SLC22A6: variants seen among roughly 807,000 people sequenced by gnomAD.
SLC22A6 encodes the protein solute carrier family 22 member 6.
In SLC22A6, 45 loss-of-function variants were observed where a neutral mutation model predicts 56.7. The ratio of observed to expected loss-of-function variants is 0.79; its 90% CI spans 0.63 to 1.02. The LOEUF is 1.02. Among genes scored for constraint, SLC22A6 ranks in the 50% least tolerant of loss-of-function variants. SLC22A6 has a pLI of 0.00. For missense variants in SLC22A6, 606 were observed against 713.8 expected (o/e 0.85, Z 1.72); for synonymous variants, 291 against 295.9 (o/e 0.98, Z 0.17).
chr11:62,982,592 C>T (rs1328166557), intron 3 of SLC22A6, among the ~76,000 whole-genome samples: 1 of 152,220 alleles, frequency 6.6e-6, no homozygotes, highest in African/African-American at 2.4e-5. Flanking sequence ...CGGTTAATTC[C>T]TCTAGTCCAG....
At chr11:62,981,162 C>G in intron 5 of SLC22A6, 62 bp from the exon 6 acceptor site, 38 of 1,603,918 alleles carry the variant, frequency 2.4e-5, no homozygotes, top group Non-Finnish European at 3.2e-5. Context: ...CCAGCCTAAT[C>G]CCTTACTTAG....
intron 4 of SLC22A6, 57 bp from the exon 5 acceptor site, chr11:62,981,440 G>A: frequency 1.4e-5 from 13 of 906,774 alleles, no homozygotes; most frequent in East Asian, 2.9e-5. Context: ...TCAGCTGGGT[G>A]GGGGGCTGGG....
rs538704968 is a variant in SLC22A6, at chr11:62,983,344, C to T, written c.628+193G>A. The stretch of plus-strand genomic sequence containing the variant: ...CAGGTGTGAGCCACTGCGCCTGGCC[C>T]GCAATCCTGTTTTTAAATGAGGGGT... On this transcript the variant is annotated intron_variant, in intron 3 of 9. Transcript: ENST00000360421. This position sits in a 1 kb window ranked among gnomAD's most constrained non-coding sequence, Gnocchi z 4.5. 5.3e-5 allele frequency among the ~76,000 whole-genome samples: 8 copies of T among 152,242 alleles called. No individual in the cohort carries two copies. Among genetic ancestry groups the T allele is most frequent in the East Asian group, 3.9e-4 (2 of 5,184 alleles).
At position 62,981,975 on chromosome 11, in the gene SLC22A6, C is replaced by T. The variant is rs1416600616; in HGVS notation, c.664G>A (p.Val222Met). The change falls in exon 4 of 10, where the codon GTG (valine) becomes ATG (methionine). Residue 222 changes from valine (V) to methionine (M), a missense_variant. By Grantham distance (21) the Val-to-Met change is conservative. Coordinates refer to ENST00000360421, the MANE Select transcript of SLC22A6 (RefSeq NM_153276.3). ...EWMPIHTRACVGTLIGYVYSL... is the reference protein window; with the variant it reads ...EWMPIHTRACMGTLIGYVYSL... ...TAGACATAGCCAATCAAGGTGCCCA[C>T]GCAGGCCCGTGTGTGAATGGGCATC... 1.1e-5 allele frequency: 17 copies of T among 1,614,002 alleles called. No homozygotes were observed. The Admixed American group carries it at 1.2e-4, about 11-fold the overall frequency.
chr11:62,980,867 G>A, intron 6 of SLC22A6, 118 bp downstream of exon 6: 1 of 781,860 alleles, frequency 1.3e-6, no homozygotes, highest in Non-Finnish European at 2.0e-6. Context: ...TGGGGTTACT[G>A]CTTCTCACAG....
intron 3 of SLC22A6, among the ~76,000 whole-genome samples, chr11:62,982,723 A>G (rs1350780013): frequency 6.6e-6 from 1 of 152,204 alleles, no homozygotes; most frequent in African/African-American, 2.4e-5. Flanking sequence ...GGGTTGATCC[A>G]TCAGAGGATG....
intron 1 of SLC22A6, 77 bp downstream of exon 1, chr11:62,984,245 T>G: frequency 1.6e-5 from 24 of 1,462,406 alleles, no homozygotes; most frequent in Non-Finnish European, 2.0e-5. Context: ...AATTTCTCCA[T>G]GTACTTTTTT....
chr11:62,978,205 G>A (rs1389261785), intron 8 of SLC22A6, among the ~76,000 whole-genome samples: 1 of 152,148 alleles, frequency 6.6e-6, no homozygotes, highest in Non-Finnish European at 1.5e-5. Context: ...ACAGGACCAT[G>A]ACCCTCAGGG....
Position 62,976,853 on chromosome 11 carries a change from C to T in SLC22A6, c.1594G>A (p.Glu532Lys). 6.2e-7 allele frequency: 1 copy of T among 1,614,110 alleles called. No homozygotes were observed. Among genetic ancestry groups the T allele is most frequent in the Non-Finnish European group, 8.5e-7 (1 of 1,180,006 alleles). Residue 532 changes from glutamate to lysine, a missense_variant, in exon 10 of 10, where the codon GAG (glutamate) becomes AAG (lysine). By Grantham distance (56) the Glu-to-Lys change is moderately conservative (BLOSUM62 1). Transcript: ENST00000360421. Reference sequence around the variant, plus strand: ...AGTGGGACCATATACTTCTGGTGCTCTTGTTGCTGTCGCGTCTGTTTCCCT... The same window carrying T: ...AGTGGGACCATATACTTCTGGTGCTTTTGTTGCTGTCGCGTCTGTTTCCCT... ...RKGKQTRQQQEHQKYMVPLQA... is the reference protein window; with the variant it reads ...RKGKQTRQQQKHQKYMVPLQA...
Position 62,983,553 on chromosome 11 carries a change from G to T in SLC22A6, c.612C>A (p.Leu204=). The T allele has an allele frequency of 1.3e-6, 2 of 1,563,968 alleles. No homozygotes were observed. Among genetic ancestry groups the T allele is most frequent in the East Asian group, 2.4e-5 (1 of 42,136 alleles). ...LSGMALAGIS[L]NCMTLNVEWM... is the part of the protein sequence containing the mutation. ...ATCTCTCACTCAGTGTCATGCAGTT[G>T]AGGGAGATGCCAGCCAGAGCCATGC... Residue 204 remains leucine (L), a synonymous_variant, in exon 3 of 10, where the codon CTC becomes CTA. Transcript: ENST00000360421. This position sits in a 1 kb window ranked among gnomAD's most constrained non-coding sequence, Gnocchi z 4.5.
chr11:62,976,905 A>G (rs928296382), intron 9 of SLC22A6, 24 bp from the exon 10 acceptor site: 2 of 1,611,856 alleles, frequency 1.2e-6, no homozygotes, highest in Non-Finnish European at 1.7e-6. Flanking sequence ...GAAGAATGGC[A>G]CTCTGGGTAT....
chr11:62,978,716 C>CAAGT (rs1332078347), intron 8 of SLC22A6, among the ~76,000 whole-genome samples: 1 of 151,652 alleles, frequency 6.6e-6, no homozygotes, highest in Admixed American at 6.6e-5. Context: ...CTCAGCCTCC[C>CAAGT]AAGTAGCTGG....
Position 62,979,966 on chromosome 11 carries a change from G to A in SLC22A6, c.1038-18C>T, listed in dbSNP as rs1330002616. 1 of 1,590,054 alleles carries A rather than the reference G, an allele frequency of 6.3e-7. No homozygotes were observed. The highest frequency in any genetic ancestry group is 8.6e-7 in the Non-Finnish European group (1 of 1,158,222). On this transcript the variant is annotated intron_variant, in intron 6 of 9. Coordinates refer to ENST00000360421, the MANE Select transcript of SLC22A6 (RefSeq NM_153276.3). ...TGGCAAACCTAGCAGAGAGAAGAGA[G>A]GAGTATGGAGTTTGTTAGGAAGGCT... is the stretch of plus-strand genomic sequence containing the variant.
chr11:62,981,334 G>C lies in SLC22A6; in HGVS notation c.847C>G (p.Leu283Val). The C allele has an allele frequency of 6.2e-7, 1 of 1,601,020 alleles. No individual in the cohort carries two copies. Among genetic ancestry groups the C allele is most frequent in the South Asian group, 1.1e-5 (1 of 88,666 alleles). The stretch of plus-strand genomic sequence containing the variant: ...ACTCTCTGCAGGGCCCTCAGGGTGA[G>C]GTCCAGCCTCCCGGAGGAGGAGTGC... ...RWHSSSGRLD[L>V]TLRALQRVAR... Residue 283 changes from leucine to valine, a missense_variant, in exon 5 of 10, where the codon CTC becomes GTC. Coordinates refer to ENST00000360421, the MANE Select transcript of SLC22A6 (RefSeq NM_153276.3).
chr11:62,982,033 A>G, intron 3 of SLC22A6, 23 bp from the exon 4 acceptor site: 2 of 1,606,504 alleles, frequency 1.2e-6, no homozygotes, highest in Non-Finnish European at 1.7e-6. Context: ...TTAAGACAGG[A>G]TGCTGCAACT....
intron 4 of SLC22A6, 52 bp from the exon 5 acceptor site, chr11:62,981,435 T>TGGG: frequency 5.4e-6 from 1 of 185,390 alleles, no homozygotes; most frequent in Non-Finnish European, 8.4e-6. Flanking sequence ...TCCAGTCAGC[T>TGGG]GGGTGGGGGG....
At position 62,983,737 on chromosome 11, in the gene SLC22A6, G is replaced by C; in HGVS notation, c.474-46C>G. 6.4e-7 allele frequency: 1 copy of C among 1,564,094 alleles called. No individual in the cohort carries two copies. Among genetic ancestry groups the C allele is most frequent in the Middle Eastern group, 1.8e-4 (1 of 5,586 alleles). On this transcript the variant is annotated intron_variant, in intron 2 of 9. Coordinates refer to ENST00000360421, the MANE Select transcript of SLC22A6 (RefSeq NM_153276.3). The surrounding 1 kb of genome is among the most constrained non-coding windows in gnomAD (Gnocchi z 4.5). ...TGTAGCAGGGCCCTGGAGACTGATG[G>C]GGGTCAGGCTGAGCCAGGAGAGGAG...
In SLC22A6 at chr11:62,977,789, G is replaced by A. The variant is rs1319433992; in HGVS notation, c.1362-402C>T. Among the ~76,000 whole-genome samples the A allele has an allele frequency of 3.3e-5, 5 of 152,220 alleles. No individual in the cohort carries two copies. The East Asian group carries it at 9.6e-4, about 29-fold the overall frequency. The stretch of plus-strand genomic sequence containing the variant: ...GTTTCTGCAGCTGTCAAATGATTCA[G>A]TTGTGGTACACCTATGGTTCTCAGA... On this transcript the variant is annotated intron_variant, in intron 8 of 9. Coordinates refer to ENST00000360421, the MANE Select transcript of SLC22A6 (RefSeq NM_153276.3).
In SLC22A6 at chr11:62,981,104, C is replaced by T. The variant is rs1555031778; in HGVS notation, c.922-4G>A. 6 of 1,610,878 alleles carry T rather than the reference C, an allele frequency of 3.7e-6. No homozygotes were observed. The highest frequency in any genetic ancestry group is 5.1e-6 in the Non-Finnish European group (6 of 1,178,052). On this transcript the variant is annotated splice_polypyrimidine_tract_variant and splice_region_variant and intron_variant, in intron 5 of 9. Transcript: ENST00000360421. Reference sequence around the variant, plus strand: ...TCTGCAGACTGGCCCGGAGTACCTGCTGGGACCGGCAGAGCTCAGGGCCCG... The same window carrying T: ...TCTGCAGACTGGCCCGGAGTACCTGTTGGGACCGGCAGAGCTCAGGGCCCG...
Sources: gnomAD v4.1 joint callset for allele counts (sites outside exome capture counted in the v4.1 genomes callset) on GRCh38, gnomAD v4.1.1 for gene constraint, Gnocchi (gnomAD v3.1) non-coding constraint, MANE v1.5 for transcripts, NCBI Gene and HGNC (gene_info 2026-07-23, HGNC 2026-07-21) for gene names.